CCBE1: variants seen among roughly 807,000 people sequenced by gnomAD.
The protein encoded by CCBE1 is collagen and calcium-binding EGF domain-containing protein 1.
CCBE1 carries 37 observed loss-of-function variants against 50.0 expected under a neutral mutation model. The observed-to-expected ratio is 0.74, with a 90% CI of 0.57 to 0.97. CCBE1 has a LOEUF of 0.97. Among genes scored for constraint, CCBE1 ranks in the 50% least tolerant of loss-of-function variants. The probability of loss-of-function intolerance (pLI) is 0.00; values close to 1 mark genes in which losing one functional copy is unlikely to be tolerated. For missense variants in CCBE1, 538 were observed against 523.8 expected (o/e 1.03, Z -0.26); for synonymous variants, 234 against 203.7 (o/e 1.15, Z -1.27).
chr18:59,494,772 A>G (rs1913268659), intron 2 of CCBE1, among the ~76,000 whole-genome samples: 1 of 152,218 alleles, frequency 6.6e-6, no homozygotes, highest in African/African-American at 2.4e-5. Context: ...AATATGTTTT[A>G]GGCTATAGGC....
intron 2 of CCBE1, among the ~76,000 whole-genome samples, chr18:59,493,936 GCT>G (rs752754849): frequency 6.6e-6 from 1 of 152,060 alleles, no homozygotes; most frequent in African/African-American, 2.4e-5. Flanking sequence ...CCCTGCACAA[GCT>G]CTCTCTCTTT....
intron 2 of CCBE1, among the ~76,000 whole-genome samples, chr18:59,594,746 C>A (rs1382623570): frequency 6.6e-6 from 1 of 152,112 alleles, no homozygotes; most frequent in African/African-American, 2.4e-5. Context: ...CCCGAGTCTG[C>A]ACCCTATGAG....
At chr18:59,636,097 G>T (rs2144635855) in intron 2 of CCBE1, among the ~76,000 whole-genome samples, 1 of 152,172 alleles carries the variant, frequency 6.6e-6, no homozygotes, top group Non-Finnish European at 1.5e-5. Context: ...AGGCTTCAGT[G>T]AGCCATGATC....
At chr18:59,511,517 A>T (rs1357815367) in intron 2 of CCBE1, among the ~76,000 whole-genome samples, 1 of 152,244 alleles carries the variant, frequency 6.6e-6, no homozygotes, top group Non-Finnish European at 1.5e-5. Flanking sequence ...TACACAGCAG[A>T]TGTACATATT....
intron 2 of CCBE1, among the ~76,000 whole-genome samples, chr18:59,565,635 A>T (rs1185495089): frequency 6.6e-6 from 1 of 152,138 alleles, no homozygotes; most frequent in Admixed American, 6.5e-5. Context: ...AAAAATTAAG[A>T]ATTTTCAAGA....
At chr18:59,563,846 G>C (rs1334193920) in intron 2 of CCBE1, 1 of 152,236 alleles carries the variant, frequency 6.6e-6, no homozygotes, top group African/African-American at 2.4e-5. Context: ...AGGGGAAACA[G>C]CATTGGCTGG....
At chr18:59,460,537 A>C (rs190885644) in intron 5 of CCBE1, among the ~76,000 whole-genome samples, 6 of 152,240 alleles carry the variant, frequency 3.9e-5, no homozygotes, top group Admixed American at 1.3e-4. Flanking sequence ...TGCTGAATTG[A>C]ATGTTTGGAT....
intron 6 of CCBE1, among the ~76,000 whole-genome samples, chr18:59,452,185 G>A (rs1598911600): frequency 6.6e-6 from 1 of 152,168 alleles, no homozygotes; most frequent in South Asian, 2.1e-4. Flanking sequence ...ATGCTGTGGG[G>A]TTGGCCATGG....
intron 2 of CCBE1, among the ~76,000 whole-genome samples, chr18:59,618,086 T>C (rs1217437091): frequency 6.6e-6 from 1 of 152,194 alleles, no homozygotes; most frequent in Non-Finnish European, 1.5e-5. Context: ...ATGTATGAGG[T>C]ATATGTCCCC....
chr18:59,514,519 C>A (rs1052204083), intron 2 of CCBE1, among the ~76,000 whole-genome samples: 28 of 152,142 alleles, frequency 1.8e-4, no homozygotes, highest in African/African-American at 6.7e-4. Context: ...GGCCCAGACT[C>A]CGAGGTTGGA....
intron 5 of CCBE1, among the ~76,000 whole-genome samples, chr18:59,457,900 T>C (rs141126744): frequency 1.5e-3 from 236 of 152,332 alleles, no homozygotes; most frequent in African/African-American, 5.0e-3. Flanking sequence ...TTCCATGCAA[T>C]AATATACTTA....
intron 2 of CCBE1, among the ~76,000 whole-genome samples, chr18:59,571,725 G>T (rs368760025): frequency 6.6e-6 from 1 of 152,264 alleles, no homozygotes; most frequent in East Asian, 1.9e-4. Context: ...TATATGGAGG[G>T]CTTATAATGA....
chr18:59,608,404 G>A (rs1374316397), intron 2 of CCBE1, among the ~76,000 whole-genome samples: 1 of 152,172 alleles, frequency 6.6e-6, no homozygotes, highest in Non-Finnish European at 1.5e-5. Context: ...GGGCCAAAGT[G>A]TTGATGCAAG....
In CCBE1 at chr18:59,544,741, G is replaced by A. The variant is rs1915615883; in HGVS notation, c.213-64503C>T. Among the ~76,000 whole-genome samples the A allele has an allele frequency of 3.9e-5, 6 of 152,270 alleles. No homozygotes were observed. In the South Asian group the frequency reaches 8.3e-4, roughly 21 times the overall value. ...ATGACAAAGAAAGGGCATTTTAAAA[G>A]GGCTGGTTCAGACTTATATCACAGA... On this transcript the variant is annotated intron_variant, in intron 2 of 10. Coordinates refer to ENST00000439986, the MANE Select transcript of CCBE1 (RefSeq NM_133459.4).
At chr18:59,661,248 C>G (rs899503514) in intron 2 of CCBE1, among the ~76,000 whole-genome samples, 6 of 152,200 alleles carry the variant, frequency 3.9e-5, no homozygotes, top group African/African-American at 1.4e-4. Flanking sequence ...ATTTGTGCAA[C>G]TGAGCTTATT....
At chr18:59,525,796 G>A (rs1229303374) in intron 2 of CCBE1, among the ~76,000 whole-genome samples, 13 of 152,106 alleles carry the variant, frequency 8.5e-5, no homozygotes, top group Admixed American at 6.6e-4. Context: ...GTCCAGTTTC[G>A]ATTTTCTGCA....
intron 2 of CCBE1, among the ~76,000 whole-genome samples, chr18:59,530,128 A>T (rs549691772): frequency 6.6e-6 from 1 of 151,972 alleles, no homozygotes; most frequent in African/African-American, 2.4e-5. Flanking sequence ...CCCCTTGTGG[A>T]TTCTGTGTGT....
chr18:59,514,505 G>A (rs914269575), intron 2 of CCBE1, among the ~76,000 whole-genome samples: 7 of 151,998 alleles, frequency 4.6e-5, no homozygotes, highest in African/African-American at 1.2e-4. Flanking sequence ...TGACATTTTC[G>A]GCTGGCCCAG....
At chr18:59,636,091 T>G (rs1488435598) in intron 2 of CCBE1, among the ~76,000 whole-genome samples, 1 of 151,998 alleles carries the variant, frequency 6.6e-6, no homozygotes, top group Non-Finnish European at 1.5e-5. Flanking sequence ...AGGTTGAGGC[T>G]TCAGTGAGCC....
Sources: allele counts gnomAD v4.1 joint callset (sites outside exome capture counted in the v4.1 genomes callset), GRCh38; gene constraint gnomAD v4.1.1; transcripts MANE v1.5; gene names NCBI Gene and HGNC (gene_info 2026-07-23, HGNC 2026-07-21).